The following CDH22 variants were observed in gnomAD, a reference collection of about 807,000 sequenced individuals.
CDH22 encodes the protein cadherin-22.
Under a neutral mutation model 58.4 loss-of-function variants are expected in CDH22, and 30 were observed. The ratio of observed to expected loss-of-function variants is 0.51; its 90% CI spans 0.38 to 0.70. The LOEUF (loss-of-function observed/expected upper bound fraction) is 0.70, where lower values mean the gene tolerates loss of function less well. Among genes scored for constraint, CDH22 ranks in the 30% least tolerant of loss-of-function variants. The probability of loss-of-function intolerance (pLI) is 0.00; values close to 1 mark genes in which losing one functional copy is unlikely to be tolerated. For synonymous variants in CDH22, 513 were observed against 558.2 expected (o/e 0.92, Z 1.14); for missense variants, 1,014 against 1,233.9 (o/e 0.82, Z 2.67).
intron 1 of CDH22, among the ~76,000 whole-genome samples, chr20:46,288,583 C>A (rs1424015595): frequency 4.6e-5 from 7 of 152,140 alleles, no homozygotes; most frequent in Non-Finnish European, 8.8e-5. Context: ...ATGTCTGAAC[C>A]CGGACTCCTG....
chr20:46,298,548 G>A (rs1226064698), intron 1 of CDH22, among the ~76,000 whole-genome samples: 1 of 152,130 alleles, frequency 6.6e-6, no homozygotes, highest in African/African-American at 2.4e-5. Flanking sequence ...GTGGAGGTGG[G>A]TGAGGGGTGA....
At chr20:46,289,977 G>A (rs1366989710) in intron 1 of CDH22, among the ~76,000 whole-genome samples, 1 of 152,218 alleles carries the variant, frequency 6.6e-6, no homozygotes. Flanking sequence ...TTTAGGGTTA[G>A]GGTCTGAATT....
In CDH22 at chr20:46,216,798, C is replaced by T. The variant is rs371998559; in HGVS notation, c.838+28G>A. ...GGGGTAACAGACAGACACACAGACG[C>T]GCCTTCCTCTGGGAAGGCCTCACTC... On this transcript the variant is annotated intron_variant, in intron 5 of 11. Transcript: ENST00000537909. The surrounding 1 kb of genome is among the most constrained non-coding windows in gnomAD (Gnocchi z 5.3). The T allele has an allele frequency of 7.8e-4, 1,234 of 1,577,548 alleles. 6 individuals are homozygous for T. The highest frequency in any genetic ancestry group is 5.7e-3 in the South Asian group (516 of 89,824).
At chr20:46,219,089 C>T (rs189331107) in intron 4 of CDH22, among the ~76,000 whole-genome samples, 94 of 152,286 alleles carry the variant, frequency 6.2e-4, no homozygotes, top group African/African-American at 2.2e-3. Flanking sequence ...GTGTGTATTT[C>T]TGTGTGTACC....
At chr20:46,233,636 A>G (rs1209107528) in intron 3 of CDH22, among the ~76,000 whole-genome samples, 1 of 152,352 alleles carries the variant, frequency 6.6e-6, no homozygotes, top group South Asian at 2.1e-4. Flanking sequence ...AGGGCCTGGC[A>G]TACAGAGAGT....
intron 6 of CDH22, 23 bp downstream of exon 6, chr20:46,212,972 C>G (rs759607474): frequency 2.5e-6 from 4 of 1,604,768 alleles, no homozygotes; most frequent in Admixed American, 3.3e-5. Flanking sequence ...CTGCCTCCCC[C>G]ATTCCTCCTG....
rs190426363 is a variant in CDH22 at position 46,183,878 on chromosome 20, C to T, written c.1663+2710G>A. Among the ~76,000 whole-genome samples the T allele has an allele frequency of 5.9e-5, 9 of 152,268 alleles. No homozygotes were observed. In the East Asian group the frequency reaches 1.7e-3, roughly 29 times the overall value. On this transcript the variant is annotated intron_variant, in intron 10 of 11. Transcript: ENST00000537909. ...CCCCCTCGCTGACCACATCTCCTCC[C>T]AGTCCTGTCTCTTACTCACTCTAAT...
intron 1 of CDH22, among the ~76,000 whole-genome samples, chr20:46,279,203 G>T (rs2086536468): frequency 6.6e-6 from 1 of 152,188 alleles, no homozygotes; most frequent in Non-Finnish European, 1.5e-5. Flanking sequence ...CAAAAGCTCG[G>T]TATATTATAA....
chr20:46,186,788 C>T (rs2085828608), intron 9 of CDH22, 38 bp downstream of exon 9: 1 of 1,596,354 alleles, frequency 6.3e-7, no homozygotes, highest in South Asian at 1.1e-5. Flanking sequence ...CTGGCCAGTC[C>T]TGGAAGCAAC....
At chr20:46,276,693 C>T (rs573195154) in intron 1 of CDH22, among the ~76,000 whole-genome samples, 43 of 152,238 alleles carry the variant, frequency 2.8e-4, no homozygotes, top group African/African-American at 9.1e-4. Context: ...AGTCTAATGA[C>T]GACGTTGGAC....
At chr20:46,212,962 C>T in intron 6 of CDH22, 33 bp downstream of exon 6, 2 of 1,594,926 alleles carry the variant, frequency 1.3e-6, no homozygotes, top group Non-Finnish European at 1.7e-6. Context: ...CCCCTGAGGC[C>T]TGCCTCCCCC....
intron 8 of CDH22, among the ~76,000 whole-genome samples, chr20:46,192,861 G>A (rs1318342522): frequency 6.6e-6 from 1 of 152,062 alleles, no homozygotes; most frequent in Non-Finnish European, 1.5e-5. Flanking sequence ...TCCAGGGAAG[G>A]GGGTGTCAGG....
At chr20:46,289,364 TG>T in intron 1 of CDH22, among the ~76,000 whole-genome samples, 1 of 152,362 alleles carries the variant, frequency 6.6e-6, no homozygotes, top group Middle Eastern at 3.4e-3. Context: ...ATATTATAAA[TG>T]GATGCCTCCT....
rs527406902 is a variant in CDH22, at chr20:46,212,035, A to G, written c.1032+960T>C. Among the ~76,000 whole-genome samples the G allele has an allele frequency of 2.0e-5, 3 of 152,302 alleles. No homozygotes were observed. The South Asian group carries it at 6.2e-4, about 32-fold the overall frequency. On this transcript the variant is annotated intron_variant, in intron 6 of 11. Coordinates refer to ENST00000537909, the MANE Select transcript of CDH22 (RefSeq NM_021248.3). ...CTTTATCACAAGTAGTAGCTATTAT[A>G]TTATTATCCTCTGGAAAGGAGCTGA...
At chr20:46,292,122 C>A (rs1029822293) in intron 1 of CDH22, among the ~76,000 whole-genome samples, 4 of 152,218 alleles carry the variant, frequency 2.6e-5, no homozygotes, top group African/African-American at 9.6e-5. Context: ...ACACCTTACC[C>A]AAGGTCACTC....
At chr20:46,258,017 G>A (rs1198777207) in intron 1 of CDH22, among the ~76,000 whole-genome samples, 10 of 152,186 alleles carry the variant, frequency 6.6e-5, no homozygotes, top group Admixed American at 3.9e-4. Flanking sequence ...CTTTGCCTGG[G>A]ACAGCTCCAC....
At chr20:46,305,720 G>T (rs945105697) in intron 1 of CDH22, among the ~76,000 whole-genome samples, 11 of 152,276 alleles carry the variant, frequency 7.2e-5, no homozygotes, top group Admixed American at 7.2e-4. Context: ...GAGAGAGAGA[G>T]GAGAGGAAGT....
rs771978082 is a variant in CDH22 at position 46,186,688 on chromosome 20, G to A, written c.1563C>T (p.Ser521=). ...CTTGGGGCTCGTCTCTGTCCACCACGCTGATGGTCTGGATGAGCTGAAGGG... is the reference window on the plus strand; with the variant it reads ...CTTGGGGCTCGTCTCTGTCCACCACACTGATGGTCTGGATGAGCTGAAGGG... ...AKPGQLIQTI[S]VVDRDEPQGG... Residue 521 remains serine, a synonymous_variant, in exon 10 of 12, where the codon AGC becomes AGT. Transcript: ENST00000537909. 37 of 1,613,716 alleles carry A rather than the reference G, an allele frequency of 2.3e-5. No homozygotes were observed. Among genetic ancestry groups the A allele is most frequent in the South Asian group, 5.5e-5 (5 of 91,058 alleles).
intron 7 of CDH22, among the ~76,000 whole-genome samples, chr20:46,205,024 G>T (rs2085991111): frequency 6.6e-6 from 1 of 152,058 alleles, no homozygotes. Flanking sequence ...GTGTGTCGGG[G>T]TGTAGTTCGG....
Sources: allele counts gnomAD v4.1 joint callset (sites outside exome capture counted in the v4.1 genomes callset), GRCh38; gene constraint gnomAD v4.1.1; non-coding constraint Gnocchi (gnomAD v3.1); transcripts MANE v1.5; gene names NCBI Gene and HGNC (gene_info 2026-07-23, HGNC 2026-07-21).